KCNJ15: variants seen among roughly 807,000 people sequenced by gnomAD.
The protein encoded by KCNJ15 is potassium inwardly rectifying channel subfamily J member 15.
KCNJ15 carries 14 observed loss-of-function variants against 23.0 expected under a neutral mutation model. That is an observed-to-expected ratio of 0.61 (90% CI 0.40 to 0.95). The LOEUF is 0.95. KCNJ15 is among the 40% of genes least tolerant of loss of function. The pLI is 0.00. For missense variants in KCNJ15, 388 were observed against 461.8 expected (o/e 0.84, Z 1.46); for synonymous variants, 185 against 183.2 (o/e 1.01, Z -0.08).
intron 1 of KCNJ15, among the ~76,000 whole-genome samples, chr21:38,245,493 A>G (rs143046832): frequency 3.4e-4 from 52 of 151,816 alleles, no homozygotes; most frequent in African/African-American, 1.2e-3. Flanking sequence ...TCAGCTGGGA[A>G]CCTCTTCATA....
chr21:38,267,454 A>C (rs550403440), intron 1 of KCNJ15: 1 of 152,374 alleles, frequency 6.6e-6, no homozygotes, highest in South Asian at 2.1e-4. Context: ...GACCTTGGGG[A>C]ATATAATTAC....
intron 1 of KCNJ15, among the ~76,000 whole-genome samples, chr21:38,293,573 T>G (rs1253655203): frequency 6.6e-6 from 1 of 152,148 alleles, no homozygotes; most frequent in Non-Finnish European, 1.5e-5. Flanking sequence ...CAAACACAGG[T>G]CACTGAGAGG....
intron 1 of KCNJ15, among the ~76,000 whole-genome samples, chr21:38,275,014 A>C (rs3804019): frequency 0.67 from 102,471 of 151,900 alleles, 34,977 homozygotes; most frequent in Non-Finnish European, 0.73. Context: ...TGGAGCCAAC[A>C]CCACCATGTC....
At chr21:38,232,900 A>T (rs1207042652) in intron 1 of KCNJ15, among the ~76,000 whole-genome samples, 1 of 152,000 alleles carries the variant, frequency 6.6e-6, no homozygotes, top group Non-Finnish European at 1.5e-5. Flanking sequence ...CTCCATGTAC[A>T]CTTGAAAAGA....
chr21:38,300,165 C>A lies in KCNJ15; in HGVS notation c.904C>A (p.Pro302Thr). 6.2e-7 allele frequency: 1 copy of A among 1,614,106 alleles called. No homozygotes were observed. The highest frequency in any genetic ancestry group is 2.2e-5 in the East Asian group (1 of 44,882). ...AVCQSRTSYI[P>T]EEIYWGFEFV... The stretch of plus-strand genomic sequence containing the variant: ...CTGCCAGAGCCGAACATCTTATATC[C>A]CAGAGGAAATCTACTGGGGTTTTGA... The change falls in exon 3 of 3, where the codon CCA (proline) becomes ACA (threonine). Residue 302 changes from proline to threonine, a missense_variant. By Grantham distance (38) the Pro-to-Thr change is conservative. Transcript: ENST00000398938.
At chr21:38,263,682 G>T (rs1487059068) in intron 1 of KCNJ15, among the ~76,000 whole-genome samples, 1 of 152,140 alleles carries the variant, frequency 6.6e-6, no homozygotes, top group Non-Finnish European at 1.5e-5. Flanking sequence ...GTGTGGAGTG[G>T]CAAGGCATCG....
chr21:38,281,153 G>C (rs1279156057), intron 1 of KCNJ15, among the ~76,000 whole-genome samples: 3 of 152,146 alleles, frequency 2.0e-5, no homozygotes, highest in Admixed American at 6.5e-5. Flanking sequence ...AGTTTAATCA[G>C]TATTGGTGTG....
At chr21:38,258,082 A>G (rs897834478) in intron 1 of KCNJ15, among the ~76,000 whole-genome samples, 1 of 152,194 alleles carries the variant, frequency 6.6e-6, no homozygotes, top group Non-Finnish European at 1.5e-5. Flanking sequence ...ATTTTGAAAA[A>G]AAAAAAATCC....
chr21:38,268,550 G>GAAAAAAAAAAA (rs576709021), intron 1 of KCNJ15, among the ~76,000 whole-genome samples: 2 of 47,234 alleles, frequency 4.2e-5, no homozygotes, highest in Non-Finnish European at 1.0e-4. Context: ...CTTAAAATCT[G>GAAAAAAAAAAA]AAAAAAAAAA....
At chr21:38,238,063 T>C in intron 1 of KCNJ15, 1 of 309,626 alleles carries the variant, frequency 3.2e-6, no homozygotes, top group Non-Finnish European at 6.4e-6. Context: ...TTAAGTTTAT[T>C]CTAGGGTGAG....
At chr21:38,245,077 G>A (rs1979268498) in intron 1 of KCNJ15, among the ~76,000 whole-genome samples, 1 of 151,998 alleles carries the variant, frequency 6.6e-6, no homozygotes, top group Admixed American at 6.6e-5. Context: ...CATGACCACA[G>A]AAGGTTTCTA....
Position 38,299,593 on chromosome 21 carries a change from T to G in KCNJ15, c.332T>G (p.Val111Gly). 6.2e-7 allele frequency: 1 copy of G among 1,614,136 alleles called. No individual in the cohort carries two copies. Among genetic ancestry groups the G allele is most frequent in the Non-Finnish European group, 8.5e-7 (1 of 1,180,032 alleles). The change falls in exon 3 of 3, where the codon GTG (valine) becomes GGG (glycine). Residue 111 changes from valine to glycine, a missense_variant. Physicochemically the swap from Val to Gly is moderately radical, Grantham distance 109. Transcript: ENST00000398938. The surrounding 1 kb of genome is among the most constrained non-coding windows in gnomAD (Gnocchi z 4.5). The stretch of plus-strand genomic sequence containing the variant: ...AATCATACCCCCTGCATCATGAAAG[T>G]GGACTCTCTCACTGGGGCGTTTCTC... ...ISNHTPCIMK[V>G]DSLTGAFLFS...
At chr21:38,279,795 C>G in intron 1 of KCNJ15, among the ~76,000 whole-genome samples, 1 of 152,268 alleles carries the variant, frequency 6.6e-6, no homozygotes, top group East Asian at 1.9e-4. Flanking sequence ...CTCTCAACCC[C>G]AAGACAAGCA....
chr21:38,253,690 C>T (rs1217152083), upstream of KCNJ15, among the ~76,000 whole-genome samples: 1 of 152,050 alleles, frequency 6.6e-6, no homozygotes, highest in Non-Finnish European at 1.5e-5. Context: ...AACATTATAG[C>T]ATTTTTTTTT....
rs549922134 is a variant in KCNJ15, at chr21:38,239,670, C to T, written c.-398-17376C>T. Among the ~76,000 whole-genome samples the T allele has an allele frequency of 4.6e-5, 7 of 152,218 alleles. No homozygotes were observed. In the East Asian group the frequency reaches 5.8e-4, roughly 13 times the overall value. ...CAGGCCAGTGAGCAAACCAAAGATA[C>T]GAGAAATCGTAGGTCTGCCAACCTT... is the stretch of plus-strand genomic sequence containing the variant. On this transcript the variant is annotated intron_variant, in intron 1 of 4. Coordinates refer to the KCNJ15 transcript ENST00000547341.
chr21:38,259,239 T>G (rs1353109073), intron 1 of KCNJ15, among the ~76,000 whole-genome samples: 1 of 152,200 alleles, frequency 6.6e-6, no homozygotes, highest in Admixed American at 6.5e-5. Context: ...TTGCATACTT[T>G]GCCTCAGAGT....
chr21:38,266,179 G>C (rs929778186), intron 1 of KCNJ15, among the ~76,000 whole-genome samples: 1 of 152,162 alleles, frequency 6.6e-6, no homozygotes, highest in Non-Finnish European at 1.5e-5. Context: ...GGATACATGT[G>C]CAGAATGTGG....
At chr21:38,237,057 T>G (rs571878991) in intron 1 of KCNJ15, among the ~76,000 whole-genome samples, 2 of 152,138 alleles carry the variant, frequency 1.3e-5, no homozygotes, top group African/African-American at 2.4e-5. Context: ...GAGGGCTGTT[T>G]GGTCCACCAG....
chr21:38,254,539 A>G (rs1980055859), upstream of KCNJ15, among the ~76,000 whole-genome samples: 1 of 152,246 alleles, frequency 6.6e-6, no homozygotes, highest in African/African-American at 2.4e-5. Flanking sequence ...TTCCCAGAGT[A>G]TTAAACTGTG....
Sources: gnomAD v4.1 joint callset for allele counts (sites outside exome capture counted in the v4.1 genomes callset) on GRCh38, gnomAD v4.1.1 for gene constraint, Gnocchi (gnomAD v3.1) non-coding constraint, MANE v1.5 for transcripts, NCBI Gene and HGNC (gene_info 2026-07-23, HGNC 2026-07-21) for gene names.